MOB3B: variants seen among roughly 807,000 people sequenced by gnomAD.
MOB3B encodes the protein MOB kinase activator 3B.
In MOB3B, 7 loss-of-function variants were observed where a neutral mutation model predicts 18.7. The observed-to-expected ratio is 0.37, with a 90% CI of 0.21 to 0.70. The LOEUF is 0.70. MOB3B is among the 30% of genes least tolerant of loss of function. The probability of loss-of-function intolerance (pLI) is 0.52; values close to 1 mark genes in which losing one functional copy is unlikely to be tolerated. For synonymous variants in MOB3B, 111 were observed against 99.9 expected (o/e 1.11, Z -0.66); for missense variants, 253 against 281.3 (o/e 0.90, Z 0.72).
At chr9:27,524,638 A>T in intron 1 of MOB3B, 1 of 1,614,080 alleles carries the variant, frequency 6.2e-7, no homozygotes, top group African/African-American at 1.3e-5. Flanking sequence ...TTCAGCCAAC[A>T]CACCTTCAAA....
chr9:27,378,318 G>A (rs1382209824), intron 2 of MOB3B: 1 of 470,034 alleles, frequency 2.1e-6, no homozygotes, highest in Admixed American at 2.3e-5. Flanking sequence ...GATGGATGCT[G>A]CATCTGGACA....
At chr9:27,357,570 C>A (rs1283457063) in intron 3 of MOB3B, among the ~76,000 whole-genome samples, 1 of 151,968 alleles carries the variant, frequency 6.6e-6, no homozygotes, top group Non-Finnish European at 1.5e-5. Flanking sequence ...CTGGCCCTTT[C>A]CTTCCCATGA....
chr9:27,344,122 C>A (rs1344653585), intron 3 of MOB3B, among the ~76,000 whole-genome samples: 1 of 151,892 alleles, frequency 6.6e-6, no homozygotes, highest in African/African-American at 2.4e-5. Context: ...AAAAACATAG[C>A]TATCCATTTT....
intron 1 of MOB3B, chr9:27,524,617 C>T (rs113025728): frequency 1.3e-5 from 21 of 1,614,076 alleles, no homozygotes; most frequent in African/African-American, 1.2e-4. Flanking sequence ...TCCCTACAGG[C>T]CTTCAACATC....
intron 2 of MOB3B, among the ~76,000 whole-genome samples, chr9:27,389,401 G>T (rs1166937010): frequency 6.6e-6 from 1 of 152,068 alleles, no homozygotes; most frequent in Non-Finnish European, 1.5e-5. Flanking sequence ...CAGCCAAATG[G>T]GCTTCTTTCC....
rs573889002 is a variant in MOB3B at position 27,499,394 on chromosome 9, G to A, written c.-199+30161C>T. 1.6e-3 allele frequency among the ~76,000 whole-genome samples: 240 copies of A among 152,242 alleles called. 2 individuals are homozygous for A. The highest frequency in any genetic ancestry group is 5.4e-3 in the African/African-American group (224 of 41,552). The stretch of plus-strand genomic sequence containing the variant: ...TTAGGTTCATGAACAGAGTCATCAC[G>A]TAAACAAATTACTTCTATAATAGTC... On this transcript the variant is annotated intron_variant, in intron 1 of 3. Transcript: ENST00000262244.
At chr9:27,412,693 G>C (rs1407394555) in intron 2 of MOB3B, among the ~76,000 whole-genome samples, 1 of 152,218 alleles carries the variant, frequency 6.6e-6, no homozygotes, top group East Asian at 1.9e-4. Flanking sequence ...AAAGAAGACA[G>C]TGATGGGGGT....
chr9:27,447,614 G>T (rs148198585), intron 2 of MOB3B, among the ~76,000 whole-genome samples: 1 of 152,172 alleles, frequency 6.6e-6, no homozygotes, highest in Non-Finnish European at 1.5e-5. Flanking sequence ...CAGTCTTCAG[G>T]CCCTCTAAGG....
chr9:27,493,055 A>G (rs1403087140), intron 1 of MOB3B, among the ~76,000 whole-genome samples: 1 of 152,208 alleles, frequency 6.6e-6, no homozygotes, highest in Non-Finnish European at 1.5e-5. Flanking sequence ...GGAAGCTATT[A>G]TTACTAAATC....
rs980352968 is a variant in MOB3B, at chr9:27,476,226, G to C, written c.-198-20478C>G. 2.0e-5 allele frequency among the ~76,000 whole-genome samples: 3 copies of C among 152,212 alleles called. No homozygotes were observed. In the East Asian group the frequency reaches 5.8e-4, roughly 29 times the overall value. ...TGCCATAACAAAGTACTCAAAACTA[G>C]GTGGCTTAAAGAATAGAAATGTACT... On this transcript the variant is annotated intron_variant, in intron 1 of 3. Transcript: ENST00000262244.
chr9:27,341,791 A>G (rs1210228431), intron 3 of MOB3B, among the ~76,000 whole-genome samples: 2 of 152,198 alleles, frequency 1.3e-5, no homozygotes, highest in Non-Finnish European at 2.9e-5. Flanking sequence ...CCAAGGTTAC[A>G]TGGTTGATAC....
chr9:27,385,806 C>T (rs1199018469), intron 2 of MOB3B, among the ~76,000 whole-genome samples: 2 of 152,232 alleles, frequency 1.3e-5, no homozygotes, highest in Non-Finnish European at 2.9e-5. Context: ...CTGGCACTTG[C>T]TCAAGCACCT....
intron 1 of MOB3B, among the ~76,000 whole-genome samples, chr9:27,509,478 G>A (rs1303521638): frequency 1.3e-5 from 2 of 152,246 alleles, no homozygotes; most frequent in Admixed American, 6.5e-5. Context: ...GGGCAGAGGT[G>A]CGATCTCGGC....
intron 1 of MOB3B, among the ~76,000 whole-genome samples, chr9:27,474,553 T>A (rs7866230): frequency 6.6e-6 from 1 of 152,186 alleles, no homozygotes; most frequent in South Asian, 2.1e-4. Context: ...ATAGTCACCA[T>A]GATGCATGTG....
intron 3 of MOB3B, among the ~76,000 whole-genome samples, chr9:27,353,264 T>G (rs1166692563): frequency 6.6e-6 from 1 of 152,214 alleles, no homozygotes; most frequent in Non-Finnish European, 1.5e-5. Context: ...AATCAGAACT[T>G]GCATTTCAGC....
chr9:27,352,475 A>G (rs1276068777), intron 3 of MOB3B, among the ~76,000 whole-genome samples: 1 of 152,160 alleles, frequency 6.6e-6, no homozygotes, highest in Non-Finnish European at 1.5e-5. Flanking sequence ...GTTATTAATT[A>G]TTTCTTGAAA....
intron 1 of MOB3B, among the ~76,000 whole-genome samples, chr9:27,491,887 C>A (rs1444971367): frequency 6.6e-6 from 1 of 152,110 alleles, no homozygotes; most frequent in Admixed American, 6.5e-5. Flanking sequence ...ACAACAACAA[C>A]AAAAATCAAT....
intron 2 of MOB3B, among the ~76,000 whole-genome samples, chr9:27,371,152 G>C (rs1821410075): frequency 1.3e-5 from 2 of 152,212 alleles, no homozygotes; most frequent in African/African-American, 4.8e-5. Context: ...CAATAAGCCA[G>C]ATTTGGTTGG....
intron 1 of MOB3B, among the ~76,000 whole-genome samples, chr9:27,514,373 A>T (rs1420632526): frequency 6.8e-6 from 1 of 146,918 alleles, no homozygotes; most frequent in South Asian, 2.2e-4. Context: ...AAAAAAGACC[A>T]CAAGTTGCTT....
Sources: allele counts gnomAD v4.1 joint callset (sites outside exome capture counted in the v4.1 genomes callset), GRCh38; gene constraint gnomAD v4.1.1; transcripts MANE v1.5; gene names NCBI Gene and HGNC (gene_info 2026-07-23, HGNC 2026-07-21).